Variants in COP1 observed in about 807,000 individuals in gnomAD.
COP1 encodes COP1 E3 ubiquitin ligase, also known as E3 ubiquitin-protein ligase COP1.
Under a neutral mutation model 101.3 loss-of-function variants are expected in COP1, and 24 were observed. The ratio of observed to expected loss-of-function variants is 0.24; its 90% CI spans 0.17 to 0.33. COP1 has a LOEUF of 0.33. Ranked by LOEUF, COP1 falls within the 10% of genes least tolerant of loss-of-function variation. The pLI is 1.00. For synonymous variants in COP1, 347 were observed against 341.9 expected (o/e 1.01, Z -0.17); for missense variants, 663 against 906.2 (o/e 0.73, Z 3.45).
intron 15 of COP1, among the ~76,000 whole-genome samples, chr1:176,004,655 T>C (rs1662637179): frequency 6.6e-6 from 1 of 151,698 alleles, no homozygotes; most frequent in South Asian, 2.1e-4. Flanking sequence ...GGATTACATT[T>C]ATTGATTTGT....
At chr1:176,043,679 C>A in intron 13 of COP1, 31 bp downstream of exon 13, 1 of 1,184,344 alleles carries the variant, frequency 8.4e-7, no homozygotes, top group South Asian at 1.3e-5. Flanking sequence ...ATGTATGATT[C>A]ATATAACATG....
At position 176,174,824 on chromosome 1, in the gene COP1, C is replaced by T. The variant is rs548146342; in HGVS notation, c.565+1086G>A. Among the ~76,000 whole-genome samples, 13 of 152,214 alleles carry T rather than the reference C, an allele frequency of 8.5e-5. 1 individual carries two copies. Among genetic ancestry groups the T allele is most frequent in the African/African-American group, 3.1e-4 (13 of 41,530 alleles). On this transcript the variant is annotated intron_variant, in intron 3 of 19. Coordinates refer to ENST00000367669, the MANE Select transcript of COP1 (RefSeq NM_022457.7). ...TTTTGATATATAATCCCAAGAGTGC[C>T]CTACTTCATGCCTACTCATACCTGA...
chr1:176,179,016 T>A (rs182976317), intron 2 of COP1, among the ~76,000 whole-genome samples: 95 of 148,602 alleles, frequency 6.4e-4, no homozygotes, highest in African/African-American at 2.2e-3. Context: ...CAAGGCCGGG[T>A]GCAGCGGCTC....
At chr1:176,020,673 T>C (rs1040418100) in intron 15 of COP1, among the ~76,000 whole-genome samples, 1 of 152,198 alleles carries the variant, frequency 6.6e-6, no homozygotes, top group Non-Finnish European at 1.5e-5. Flanking sequence ...CAAGACTCTG[T>C]CCCAACAACA....
chr1:176,090,825 G>T (rs758766972), intron 9 of COP1, among the ~76,000 whole-genome samples: 5 of 152,138 alleles, frequency 3.3e-5, no homozygotes, highest in Non-Finnish European at 7.4e-5. Context: ...AACTAAAGAA[G>T]AAATATTGGA....
At chr1:176,090,360 G>T (rs1401086305) in intron 9 of COP1, among the ~76,000 whole-genome samples, 8 of 152,080 alleles carry the variant, frequency 5.3e-5, no homozygotes, top group Admixed American at 4.6e-4. Flanking sequence ...TCAGGCCAGG[G>T]TCACTCATTT....
intron 15 of COP1, among the ~76,000 whole-genome samples, chr1:176,007,258 A>C (rs974566806): frequency 3.3e-4 from 50 of 152,120 alleles, no homozygotes; most frequent in African/African-American, 1.1e-3. Context: ...AATTTTTTTC[A>C]ATGTTTTCAA....
rs148026428 is a variant in COP1 at position 176,048,707 on chromosome 1, G to A, written c.1278-2383C>T. ...AGTTATCACTAAATACTTTTTCTCC[G>A]CCTACTCATATACATAGCTAATCAA... On this transcript the variant is annotated intron_variant, in intron 11 of 19. Transcript: ENST00000367669. Among the ~76,000 whole-genome samples the A allele has an allele frequency of 2.7e-3, 411 of 152,192 alleles. 3 individuals carry two copies. Among genetic ancestry groups the A allele is most frequent in the African/African-American group, 9.2e-3 (382 of 41,510 alleles).
intron 8 of COP1, chr1:176,133,923 G>T (rs1200824194): frequency 2.6e-6 from 1 of 378,024 alleles, no homozygotes; most frequent in Admixed American, 3.0e-5. Context: ...AATATACACA[G>T]ACCAAGTCAT....
rs10694480 is a variant in COP1, at chr1:175,976,270, CTTTTT to C, written c.2133+10668_2133+10672del. ...TAAGTCTCTATATCAATTAGTCATT[CTTTTT>C]TTTTTTTTTTTTTTTTTTTTTAGAC... On this transcript the variant is annotated intron_variant, in intron 18 of 19. Coordinates refer to ENST00000367669, the MANE Select transcript of COP1 (RefSeq NM_022457.7). Among the ~76,000 whole-genome samples, 353 of 56,846 alleles carry C rather than the reference CTTTTT, an allele frequency of 6.2e-3. 4 individuals are homozygous for C. Among genetic ancestry groups the C allele is most frequent in the South Asian group, 0.013 (16 of 1,216 alleles). 37.3% of individuals were successfully genotyped at this position (56,846 alleles called of 152,430 possible). A position where few individuals can be genotyped will look rare whatever the true frequency, so the allele number is the denominator to read the frequency against.
chr1:175,967,238 C>T (rs1652195150), intron 18 of COP1, among the ~76,000 whole-genome samples: 1 of 152,180 alleles, frequency 6.6e-6, no homozygotes, highest in Admixed American at 6.5e-5. Flanking sequence ...TATTAAACTC[C>T]TGACCTCAGG....
intron 8 of COP1, chr1:176,134,036 T>C: frequency 5.7e-6 from 2 of 351,520 alleles, no homozygotes; most frequent in South Asian, 2.3e-5. Context: ...CTCCATACTA[T>C]AATTAATGGG....
chr1:175,994,130 T>G (rs1334866474), intron 15 of COP1, among the ~76,000 whole-genome samples: 1 of 152,160 alleles, frequency 6.6e-6, no homozygotes, highest in Non-Finnish European at 1.5e-5. Context: ...CAGAATTTCA[T>G]ATCCAGCCAA....
At chr1:176,121,428 T>A (rs963767465) in intron 8 of COP1, among the ~76,000 whole-genome samples, 2 of 152,190 alleles carry the variant, frequency 1.3e-5, no homozygotes, top group Non-Finnish European at 1.5e-5. Context: ...ATGCGACTAA[T>A]CTGTCAACAA....
chr1:176,017,212 T>C (rs1309393581), intron 15 of COP1: 1 of 152,190 alleles, frequency 6.6e-6, no homozygotes, highest in East Asian at 1.9e-4. Flanking sequence ...AAATACAGAT[T>C]GGGACACAAT....
chr1:176,163,725 T>C (rs960314788), intron 4 of COP1, 90 bp downstream of exon 4: 5 of 779,406 alleles, frequency 6.4e-6, no homozygotes, highest in South Asian at 2.0e-5. Context: ...AAATCAATAA[T>C]ATACTAAACT....
At chr1:175,955,766 C>CCACACACACA (rs60306255) in intron 18 of COP1, among the ~76,000 whole-genome samples, 8,700 of 129,152 alleles carry the variant, frequency 0.067, 472 homozygotes, top group African/African-American at 0.11. Flanking sequence ...TAGAGACAAA[C>CCACACACACA]CACACACACA....
intron 6 of COP1, among the ~76,000 whole-genome samples, chr1:176,138,893 A>G (rs1690209112): frequency 6.6e-6 from 1 of 152,164 alleles, no homozygotes; most frequent in South Asian, 2.1e-4. Context: ...TCCCATGGTA[A>G]TCTCTTAAAC....
intron 11 of COP1, among the ~76,000 whole-genome samples, chr1:176,077,242 T>A (rs754933938): frequency 6.6e-6 from 1 of 152,118 alleles, no homozygotes; most frequent in Non-Finnish European, 1.5e-5. Context: ...ACTCTGTATT[T>A]GTTCAGCTTA....
Sources: gnomAD v4.1 joint callset for allele counts (sites outside exome capture counted in the v4.1 genomes callset) on GRCh38, gnomAD v4.1.1 for gene constraint, MANE v1.5 for transcripts, NCBI Gene and HGNC (gene_info 2026-07-23, HGNC 2026-07-21) for gene names.